TRAPPC9: variants seen among roughly 807,000 people sequenced by gnomAD.
TRAPPC9 encodes trafficking protein particle complex subunit 9.
A neutral mutation model predicts 124.0 loss-of-function variants in TRAPPC9; 83 were observed. That is an observed-to-expected ratio of 0.67 (90% CI 0.56 to 0.80). The LOEUF (loss-of-function observed/expected upper bound fraction) is 0.80. Among genes scored for constraint, TRAPPC9 ranks in the 30% least tolerant of loss-of-function variants. The pLI, the probability that TRAPPC9 is intolerant of heterozygous loss-of-function variation, is 0.00. For synonymous variants in TRAPPC9, 638 were observed against 617.5 expected (o/e 1.03, Z -0.49); for missense variants, 1,302 against 1,508.3 (o/e 0.86, Z 2.27).
rs57775985 is a variant in TRAPPC9 at position 139,926,607 on chromosome 8, T to TAAAA, written c.2811-16311_2811-16308dup. On this transcript the variant is annotated intron_variant, in intron 19 of 22. Coordinates refer to ENST00000438773, the MANE Select transcript of TRAPPC9 (RefSeq NM_001160372.4). ...AACTTAAAAATACAATGAATTAAAA[T>TAAAA]AAAAAAAAAAAAAAAACTCCTGAAT... Among the ~76,000 whole-genome samples, 9 of 140,360 alleles carry TAAAA rather than the reference T, an allele frequency of 6.4e-5. 1 individual carries two copies. Among genetic ancestry groups the TAAAA allele is most frequent in the Non-Finnish European group, 1.2e-4 (8 of 64,160 alleles). The allele number at this position is 140,360 out of a possible 152,430, so 92.1% of individuals were successfully genotyped here.
At chr8:139,897,808 C>T (rs1427524334) in intron 20 of TRAPPC9, among the ~76,000 whole-genome samples, 1 of 152,228 alleles carries the variant, frequency 6.6e-6, no homozygotes, top group Non-Finnish European at 1.5e-5. Flanking sequence ...CATAACCAGC[C>T]TGAAGTCCAC....
intron 21 of TRAPPC9, among the ~76,000 whole-genome samples, chr8:139,792,301 T>C (rs1364796623): frequency 1.3e-5 from 2 of 152,146 alleles, no homozygotes; most frequent in Admixed American, 6.5e-5. Context: ...CTAAGTGGCA[T>C]GCTGAGGGTG....
chr8:140,221,238 C>T (rs1469347866), intron 17 of TRAPPC9, among the ~76,000 whole-genome samples: 7 of 152,176 alleles, frequency 4.6e-5, no homozygotes, highest in Non-Finnish European at 7.3e-5. Flanking sequence ...ACGGAATCTC[C>T]GTGTTCCAAG....
intron 19 of TRAPPC9, among the ~76,000 whole-genome samples, chr8:139,972,152 A>G (rs1277838609): frequency 6.6e-6 from 1 of 152,064 alleles, no homozygotes; most frequent in Non-Finnish European, 1.5e-5. Context: ...AATTTTCAGT[A>G]TAAAGAACAC....
At chr8:139,765,289 G>T (rs1820510316) in intron 21 of TRAPPC9, among the ~76,000 whole-genome samples, 1 of 152,228 alleles carries the variant, frequency 6.6e-6, no homozygotes, top group African/African-American at 2.4e-5. Flanking sequence ...CCAGGCTGAG[G>T]TCAAGAAGAC....
At chr8:139,852,047 A>G (rs1563863469) in intron 21 of TRAPPC9, among the ~76,000 whole-genome samples, 1 of 152,174 alleles carries the variant, frequency 6.6e-6, no homozygotes, top group African/African-American at 2.4e-5. Context: ...TAATTGAATC[A>G]TGGGGGCAGG....
intron 9 of TRAPPC9, among the ~76,000 whole-genome samples, chr8:140,332,290 A>C (rs958148127): frequency 3.9e-5 from 6 of 152,202 alleles, no homozygotes; most frequent in African/African-American, 1.4e-4. Flanking sequence ...AGTTGATCTC[A>C]TAAGGAGAGA....
At chr8:140,015,530 T>G (rs1016435859) in intron 18 of TRAPPC9, among the ~76,000 whole-genome samples, 2 of 152,042 alleles carry the variant, frequency 1.3e-5, no homozygotes, top group African/African-American at 4.8e-5. Context: ...TTAAGAAAGA[T>G]AGAATTTAGC....
intron 7 of TRAPPC9, among the ~76,000 whole-genome samples, chr8:140,374,730 T>C (rs2068385661): frequency 6.6e-6 from 1 of 152,128 alleles, no homozygotes. Context: ...AGAAGACGAA[T>C]ACTGATCTTA....
At chr8:139,770,111 G>T (rs1003524078) in intron 21 of TRAPPC9, among the ~76,000 whole-genome samples, 3 of 152,248 alleles carry the variant, frequency 2.0e-5, no homozygotes, top group African/African-American at 7.2e-5. Flanking sequence ...AATCCCGAGT[G>T]CTGGTCTCCC....
chr8:140,238,005 C>A (rs1241065023), intron 16 of TRAPPC9, among the ~76,000 whole-genome samples: 2 of 152,126 alleles, frequency 1.3e-5, no homozygotes, highest in Non-Finnish European at 2.9e-5. Flanking sequence ...AACAGTAAAC[C>A]AACTGGTAGT....
At position 140,049,551 on chromosome 8, in the gene TRAPPC9, C is replaced by A. The variant is rs115542183; in HGVS notation, c.2557-25472G>T. Among the ~76,000 whole-genome samples the A allele has an allele frequency of 1.5e-3, 220 of 151,496 alleles. 1 individual carries two copies. Among genetic ancestry groups the A allele is most frequent in the African/African-American group, 4.5e-3 (184 of 40,918 alleles). On this transcript the variant is annotated intron_variant, in intron 17 of 22. Coordinates refer to ENST00000438773, the MANE Select transcript of TRAPPC9 (RefSeq NM_001160372.4). ...AAGATAAATCCTACAGGGCTCCCCCCCCCGAGACCACCAAATTATTTCCCT... is the reference window on the plus strand; with the variant it reads ...AAGATAAATCCTACAGGGCTCCCCCACCCGAGACCACCAAATTATTTCCCT...
intron 21 of TRAPPC9, among the ~76,000 whole-genome samples, chr8:139,815,263 G>T (rs148154539): frequency 1.1e-4 from 16 of 152,280 alleles, no homozygotes; most frequent in African/African-American, 3.6e-4. Context: ...CAGAAGGTGC[G>T]TGTCATCCTC....
Position 140,405,625 on chromosome 8 carries a change from A to G in TRAPPC9, c.960T>C (p.Pro320=). 6.2e-7 allele frequency: 1 copy of G among 1,614,100 alleles called. No homozygotes were observed. Among genetic ancestry groups the G allele is most frequent in the Non-Finnish European group, 8.5e-7 (1 of 1,179,926 alleles). The stretch of plus-strand genomic sequence containing the variant: ...CTTTATACTTGTCAATTATGTCTTC[A>G]GGGCTAAGGCAGTTCTTAGCACGTC... ...EIGRAKNCLS[P]EDIIDKYKEA... Residue 320 remains proline, a synonymous_variant, in exon 6 of 23, where the codon CCT becomes CCC. Transcript: ENST00000438773.
chr8:139,834,530 G>A lies in TRAPPC9; in HGVS notation c.3055+51349C>T, dbSNP rs553276757. ...TCCACCGCCAGCAGGCAGGCGGAAC[G>A]TGGCGTCTGGCGAATGGCAGGGAAG... On this transcript the variant is annotated intron_variant, in intron 21 of 22. Coordinates refer to ENST00000438773, the MANE Select transcript of TRAPPC9 (RefSeq NM_001160372.4). Among the ~76,000 whole-genome samples, 3 of 152,364 alleles carry A rather than the reference G, an allele frequency of 2.0e-5. No individual in the cohort carries two copies. In the East Asian group the frequency reaches 5.8e-4, roughly 29 times the overall value.
At chr8:139,965,238 T>G (rs1243148355) in intron 19 of TRAPPC9, among the ~76,000 whole-genome samples, 1 of 152,232 alleles carries the variant, frequency 6.6e-6, no homozygotes, top group Admixed American at 6.5e-5. Context: ...GAAATGATTG[T>G]GCAGTGGAAA....
rs113716439 is a variant in TRAPPC9 at position 140,195,227 on chromosome 8, G to A, written c.2556+26232C>T. Reference sequence around the variant, plus strand: ...ACTAAAACACACTCAATGATCCACCGTACAGATAACACCTGTGACACTAAA... The same window carrying A: ...ACTAAAACACACTCAATGATCCACCATACAGATAACACCTGTGACACTAAA... On this transcript the variant is annotated intron_variant, in intron 17 of 22. Transcript: ENST00000438773. 2.0e-4 allele frequency among the ~76,000 whole-genome samples: 29 copies of A among 143,862 alleles called. 1 individual carries two copies. Among genetic ancestry groups the A allele is most frequent in the South Asian group, 4.4e-4 (2 of 4,508 alleles). 94.4% of individuals were successfully genotyped at this position (143,862 alleles called of 152,430 possible).
At chr8:140,284,192 A>C (rs1289971921) in intron 13 of TRAPPC9, among the ~76,000 whole-genome samples, 171 bp from the exon 14 acceptor site, 1 of 152,096 alleles carries the variant, frequency 6.6e-6, no homozygotes, top group Admixed American at 6.5e-5. Context: ...CACGACCCTC[A>C]CTGTCCTCGT....
chr8:140,027,968 T>A (rs1347475922), intron 17 of TRAPPC9, among the ~76,000 whole-genome samples: 1 of 152,048 alleles, frequency 6.6e-6, no homozygotes, highest in Non-Finnish European at 1.5e-5. Context: ...GTGGGGATTA[T>A]GGGGATTACA....
Sources: allele counts gnomAD v4.1 joint callset (sites outside exome capture counted in the v4.1 genomes callset), GRCh38; gene constraint gnomAD v4.1.1; transcripts MANE v1.5; gene names NCBI Gene and HGNC (gene_info 2026-07-23, HGNC 2026-07-21).